Variants in CPPED1 observed in about 807,000 individuals in gnomAD.
The protein encoded by CPPED1 is serine/threonine-protein phosphatase CPPED1.
In CPPED1, 28 loss-of-function variants were observed where a neutral mutation model predicts 28.0. The ratio of observed to expected loss-of-function variants is 1.00; its 90% CI spans 0.74 to 1.37. The LOEUF (loss-of-function observed/expected upper bound fraction) is 1.37. Among genes scored for constraint, CPPED1 ranks in the 40% most tolerant of loss-of-function variants. CPPED1 has a pLI of 0.00. For missense variants in CPPED1, 504 were observed against 416.5 expected (o/e 1.21, Z -1.83); for synonymous variants, 198 against 180.2 (o/e 1.10, Z -0.79).
chr16:12,797,372 G>A (rs2865894), intron 1 of CPPED1, among the ~76,000 whole-genome samples: 42,713 of 151,860 alleles, frequency 0.28, 7,997 homozygotes, highest in African/African-American at 0.53. Context: ...GTGACACAGC[G>A]AAACTGTCTC....
rs1279894009 is a variant in CPPED1 at position 12,713,189 on chromosome 16, C to G, written c.290-8140G>C. On this transcript the variant is annotated intron_variant, in intron 2 of 3. Coordinates refer to ENST00000381774, the MANE Select transcript of CPPED1 (RefSeq NM_018340.3). ...AGGACGAATTGTGTTCTTTCTGAAT[C>G]TGAATAATTACATTTTCAAAAAGAG... Among the ~76,000 whole-genome samples, 3 of 151,940 alleles carry G rather than the reference C, an allele frequency of 2.0e-5. No individual in the cohort carries two copies. The East Asian group carries it at 5.8e-4, about 29-fold the overall frequency.
At chr16:12,674,370 G>C (rs1036009414) in intron 3 of CPPED1, among the ~76,000 whole-genome samples, 17 of 152,190 alleles carry the variant, frequency 1.1e-4, no homozygotes, top group African/African-American at 4.1e-4. Flanking sequence ...GAGATGTTGA[G>C]CTGGAAAATG....
chr16:12,715,758 C>A (rs148396379), intron 2 of CPPED1, among the ~76,000 whole-genome samples: 15 of 152,156 alleles, frequency 9.9e-5, no homozygotes, highest in Non-Finnish European at 1.0e-4. Flanking sequence ...GAACCCCCGA[C>A]CTCAGGTGAT....
rs983648855 is a variant in CPPED1, at chr16:12,662,370, G to A, written c.*2516C>T. The A allele has an allele frequency of 2.0e-5, 3 of 152,120 alleles. No individual in the cohort carries two copies. Among genetic ancestry groups the A allele is most frequent in the Non-Finnish European group, 4.4e-5 (3 of 68,026 alleles). 9.4% of individuals were successfully genotyped at this position (152,120 alleles called of 1,614,324 possible). A position where few individuals can be genotyped will look rare whatever the true frequency, so the allele number is the denominator to read the frequency against. Reference sequence around the variant, plus strand: ...TTAAAAAGTGGTGAGAAATTAATATGATTCTCTCTTCCCTTTTAAAAAATT... The same window carrying A: ...TTAAAAAGTGGTGAGAAATTAATATAATTCTCTCTTCCCTTTTAAAAAATT... On this transcript the variant is annotated 3_prime_UTR_variant, in exon 4 of 4. Coordinates refer to ENST00000381774, the MANE Select transcript of CPPED1 (RefSeq NM_018340.3).
At chr16:12,728,338 C>G (rs1362838335) in intron 2 of CPPED1, among the ~76,000 whole-genome samples, 1 of 151,952 alleles carries the variant, frequency 6.6e-6, no homozygotes, top group Non-Finnish European at 1.5e-5. Context: ...CTGAGAAATA[C>G]TATTTGTTAT....
At chr16:12,742,119 T>C (rs1190748000) in intron 2 of CPPED1, among the ~76,000 whole-genome samples, 1 of 152,044 alleles carries the variant, frequency 6.6e-6, no homozygotes, top group Non-Finnish European at 1.5e-5. Context: ...ATAGATATAT[T>C]CTTACAAATA....
chr16:12,684,170 G>A (rs563391961), intron 3 of CPPED1, among the ~76,000 whole-genome samples: 1 of 152,284 alleles, frequency 6.6e-6, no homozygotes, highest in South Asian at 2.1e-4. Context: ...CTGTTAGGAA[G>A]GAACGCAGAG....
intron 1 of CPPED1, among the ~76,000 whole-genome samples, chr16:12,788,509 G>A (rs2080577603): frequency 6.6e-6 from 1 of 152,150 alleles, no homozygotes; most frequent in Admixed American, 6.6e-5. Flanking sequence ...GTCAGTGCTG[G>A]AAGGACTCTC....
intron 2 of CPPED1, among the ~76,000 whole-genome samples, chr16:12,746,312 T>C (rs1409211265): frequency 7.2e-6 from 1 of 139,240 alleles, no homozygotes; most frequent in Non-Finnish European, 1.5e-5. Flanking sequence ...GAGGCAGAGT[T>C]ACAGTGAGCT....
intron 2 of CPPED1, among the ~76,000 whole-genome samples, chr16:12,734,159 T>C (rs2080214690): frequency 7.1e-6 from 1 of 141,608 alleles, no homozygotes; most frequent in African/African-American, 2.7e-5. Flanking sequence ...AACCTCTGCT[T>C]CCCGGGTTCA....
chr16:12,747,198 G>A (rs956594468), intron 2 of CPPED1, among the ~76,000 whole-genome samples: 1 of 152,028 alleles, frequency 6.6e-6, no homozygotes, highest in African/African-American at 2.4e-5. Context: ...GGGAGACTGA[G>A]GTGGGCGGAT....
intron 3 of CPPED1, among the ~76,000 whole-genome samples, chr16:12,680,218 C>T (rs1160747522): frequency 6.6e-6 from 1 of 152,174 alleles, no homozygotes; most frequent in African/African-American, 2.4e-5. Flanking sequence ...CCATCTCCCT[C>T]TCCCCTATGA....
chr16:12,731,099 G>A (rs763983936), intron 2 of CPPED1, among the ~76,000 whole-genome samples: 13 of 151,716 alleles, frequency 8.6e-5, no homozygotes, highest in Admixed American at 2.6e-4. Flanking sequence ...CTTGAGCCCA[G>A]GAGTTCGAGA....
At chr16:12,798,881 A>G (rs1261659519) in intron 1 of CPPED1, among the ~76,000 whole-genome samples, 1 of 152,240 alleles carries the variant, frequency 6.6e-6, no homozygotes, top group African/African-American at 2.4e-5. Context: ...AACATGCCTT[A>G]GGAATGTGAG....
At chr16:12,680,407 A>T (rs1436500304) in intron 3 of CPPED1, among the ~76,000 whole-genome samples, 1 of 152,154 alleles carries the variant, frequency 6.6e-6, no homozygotes, top group Non-Finnish European at 1.5e-5. Context: ...CCACACTGCT[A>T]TGTAAAATCT....
At chr16:12,708,560 G>A (rs749565895) in intron 2 of CPPED1, among the ~76,000 whole-genome samples, 9 of 152,054 alleles carry the variant, frequency 5.9e-5, no homozygotes, top group Non-Finnish European at 1.2e-4. Flanking sequence ...CGTTTCAGAA[G>A]GAATGAAAAT....
intron 2 of CPPED1, among the ~76,000 whole-genome samples, chr16:12,717,826 G>T (rs530323510): frequency 6.6e-6 from 1 of 151,808 alleles, no homozygotes; most frequent in Admixed American, 6.6e-5. Context: ...ACTTTTAGTA[G>T]AGGCAGGGTT....
intron 2 of CPPED1, among the ~76,000 whole-genome samples, chr16:12,719,263 C>A (rs1364246924): frequency 1.3e-5 from 2 of 151,808 alleles, no homozygotes; most frequent in Non-Finnish European, 2.9e-5. Context: ...CGGTGGCGGG[C>A]GCCTGTAGTC....
In CPPED1 at chr16:12,709,756, G is replaced by A. The variant is rs1259804603; in HGVS notation, c.290-4707C>T. 6.6e-6 allele frequency among the ~76,000 whole-genome samples: 1 copy of A among 152,182 alleles called. No homozygotes were observed. The highest frequency in any genetic ancestry group is 1.5e-5 in the Non-Finnish European group (1 of 68,042). ...TATAGCTATGATCATAGGTAATGGT[G>A]AAAGACTGACTGCCTTCCTCCAAGA... is the stretch of plus-strand genomic sequence containing the variant. On this transcript the variant is annotated intron_variant, in intron 2 of 3. Coordinates refer to ENST00000381774, the MANE Select transcript of CPPED1 (RefSeq NM_018340.3). The surrounding 1 kb of genome is among the most constrained non-coding windows in gnomAD (Gnocchi z 4.4).
Sources: gnomAD v4.1 joint callset for allele counts (sites outside exome capture counted in the v4.1 genomes callset) on GRCh38, gnomAD v4.1.1 for gene constraint, Gnocchi (gnomAD v3.1) non-coding constraint, MANE v1.5 for transcripts, NCBI Gene and HGNC (gene_info 2026-07-23, HGNC 2026-07-21) for gene names.